ZNF766: variants seen among roughly 807,000 people sequenced by gnomAD.
The protein encoded by ZNF766 is zinc finger protein 766.
In ZNF766, 13 loss-of-function variants were observed where a neutral mutation model predicts 13.2. The observed-to-expected ratio is 0.98, with a 90% CI of 0.64 to 1.56. The LOEUF is 1.56. ZNF766 is among the 40% of genes most tolerant of loss of function. The pLI, the probability that ZNF766 is intolerant of heterozygous loss-of-function variation, is 0.00. For missense variants in ZNF766, 521 were observed against 552.2 expected (o/e 0.94, Z 0.57); for synonymous variants, 178 against 187.6 (o/e 0.95, Z 0.42).
At chr19:52,277,766 G>A (rs905411511) in intron 1 of ZNF766, among the ~76,000 whole-genome samples, 3 of 151,942 alleles carry the variant, frequency 2.0e-5, no homozygotes, top group African/African-American at 7.3e-5. Flanking sequence ...CCTGGGAAGG[G>A]CTCACACCCA....
rs538151739 is a variant in ZNF766, at chr19:52,283,443, C to T, written c.274+30C>T. ...GAGCTCAGATGGACAGAGTGAAAGC[C>T]ACACTTTTTTTTTTTTTTTTGAGAC... On this transcript the variant is annotated intron_variant, in intron 3 of 3. Coordinates refer to ENST00000439461, the MANE Select transcript of ZNF766 (RefSeq NM_001010851.3). 1.3e-4 allele frequency: 191 copies of T among 1,510,600 alleles called. 2 individuals are homozygous for T. The East Asian group carries it at 4.5e-3, about 35-fold the overall frequency. The allele number at this position is 1,510,600 out of a possible 1,614,324, so 93.6% of individuals were successfully genotyped here.
rs574320294 is a variant in ZNF766 at position 52,292,074 on chromosome 19, C to T, written c.*876C>T. ...CTTGGGTGACAGAGCGAGACCCTGT[C>T]TCAAAAGAAAAAAAAGGCTAGTTTT... On this transcript the variant is annotated 3_prime_UTR_variant, in exon 4 of 4. Transcript: ENST00000439461. 1.3e-4 allele frequency: 87 copies of T among 694,200 alleles called. No individual in the cohort carries two copies. In the African/African-American group the frequency reaches 1.5e-3, roughly 12 times the overall value. 43.0% of individuals were successfully genotyped at this position (694,200 alleles called of 1,614,324 possible). A position where few individuals can be genotyped will look rare whatever the true frequency, so the allele number is the denominator to read the frequency against.
chr19:52,271,221 T>A (rs1342106677), intron 1 of ZNF766, among the ~76,000 whole-genome samples: 1 of 151,946 alleles, frequency 6.6e-6, no homozygotes, highest in Non-Finnish European at 1.5e-5. Flanking sequence ...AATAGAGGAG[T>A]GTGTTTTGGA....
intron 1 of ZNF766, among the ~76,000 whole-genome samples, chr19:52,273,886 G>A (rs1223297608): frequency 6.6e-6 from 1 of 152,158 alleles, no homozygotes; most frequent in Non-Finnish European, 1.5e-5. Flanking sequence ...CACATCTTGT[G>A]CCCCCAGCCT....
Position 52,291,087 on chromosome 19 carries a change from C to A in ZNF766, c.1296C>A (p.Ile432=). The A allele has an allele frequency of 6.2e-7, 1 of 1,614,006 alleles. No individual in the cohort carries two copies. Among genetic ancestry groups the A allele is most frequent in the East Asian group, 2.2e-5 (1 of 44,876 alleles). The change falls in exon 4 of 4, where the codon ATC becomes ATA. Residue 432 remains isoleucine, a synonymous_variant. Coordinates refer to ENST00000439461, the MANE Select transcript of ZNF766 (RefSeq NM_001010851.3). ...CACACCTTGCAAATCATCAGAGAAT[C>A]CACACTGGAGAGAAACCTTACAAAT... The part of the protein sequence containing the change: ...QNSHLANHQR[I]HTGEKPYKCH...
intron 1 of ZNF766, among the ~76,000 whole-genome samples, chr19:52,270,275 G>T (rs1980918682): frequency 6.6e-6 from 1 of 152,138 alleles, no homozygotes; most frequent in African/African-American, 2.4e-5. Flanking sequence ...GATGGAGAGC[G>T]AGGTAGAGGA....
intron 3 of ZNF766, among the ~76,000 whole-genome samples, chr19:52,288,321 G>A (rs564687799): frequency 1.3e-5 from 2 of 151,908 alleles, no homozygotes; most frequent in Non-Finnish European, 2.9e-5. Context: ...GTGCCTGGTC[G>A]TGTTCATTTT....
At chr19:52,273,357 G>C (rs1202030284) in intron 1 of ZNF766, among the ~76,000 whole-genome samples, 1 of 152,214 alleles carries the variant, frequency 6.6e-6, no homozygotes, top group African/African-American at 2.4e-5. Flanking sequence ...TACTAAAACA[G>C]ATGAGGAAAT....
At chr19:52,290,004 A>G in intron 3 of ZNF766, 62 bp from the exon 4 acceptor site, 1 of 1,518,942 alleles carries the variant, frequency 6.6e-7, no homozygotes. Context: ...CCAACTCAAA[A>G]AAAGTGCAAA....
Position 52,290,352 on chromosome 19 carries a change from C to G in ZNF766, c.561C>G (p.Tyr187Ter). 1.2e-6 allele frequency: 2 copies of G among 1,614,070 alleles called. No individual in the cohort carries two copies. Among genetic ancestry groups the G allele is most frequent in the Non-Finnish European group, 1.7e-6 (2 of 1,180,036 alleles). ...AAGCACACATTAGGAGAAAACCTTACGAATGTAATGAGCAGGGCAAAGTCT... is the reference window on the plus strand; with the variant it reads ...AAGCACACATTAGGAGAAAACCTTAGGAATGTAATGAGCAGGGCAAAGTCT... The part of the protein sequence containing the change: ...EQKAHIRRKP[Y>*]ECNEQGKVFR... Residue 187 changes from tyrosine (Y) to a stop codon, truncating the protein, a stop_gained, in exon 4 of 4, where the codon TAC becomes TAG. Coordinates refer to ENST00000439461, the MANE Select transcript of ZNF766 (RefSeq NM_001010851.3). LOFTEE classifies it low-confidence loss of function (END_TRUNC).
intron 2 of ZNF766, 76 bp from the exon 3 acceptor site, chr19:52,283,209 C>T: frequency 6.6e-7 from 1 of 1,520,172 alleles, no homozygotes; most frequent in Non-Finnish European, 8.8e-7. Flanking sequence ...TTTTTAATAT[C>T]ATCTCTGCTG....
Position 52,290,698 on chromosome 19 carries a change from A to T in ZNF766, c.907A>T (p.Lys303Ter). Residue 303 changes from lysine to a stop codon, truncating the protein, a stop_gained, in exon 4 of 4, where the codon AAA becomes TAA. Transcript: ENST00000439461. LOFTEE classifies it low-confidence loss of function (END_TRUNC). ...TAGAGAGAAACCTCATAAATGTAAC[A>T]AATGTGGCAAGGTTTATAGTAGCAG... The part of the protein sequence containing the change: ...HTREKPHKCN[K>*]CGKVYSSSSY... The T allele has an allele frequency of 6.8e-6, 11 of 1,613,808 alleles. No homozygotes were observed. The highest frequency in any genetic ancestry group is 8.5e-6 in the Non-Finnish European group (10 of 1,179,832).
intron 1 of ZNF766, chr19:52,277,651 G>C: frequency 1.7e-6 from 2 of 1,191,594 alleles, no homozygotes; most frequent in Non-Finnish European, 2.4e-6. Flanking sequence ...TGACAGGTTT[G>C]CTCACACTCA....
chr19:52,294,958 G>T lies in ZNF766; in HGVS notation c.*3760G>T, dbSNP rs1365661826. 6.6e-6 allele frequency: 1 copy of T among 150,640 alleles called. No homozygotes were observed. The highest frequency in any genetic ancestry group is 1.5e-5 in the Non-Finnish European group (1 of 67,738). 9.3% of individuals were successfully genotyped at this position (150,640 alleles called of 1,614,324 possible). ...ATAAATATAATGTATTATATAATAT[G>T]ATTAAAATATATTTGTTATAAATAT... On this transcript the variant is annotated 3_prime_UTR_variant, in exon 4 of 4. Coordinates refer to ENST00000439461, the MANE Select transcript of ZNF766 (RefSeq NM_001010851.3).
chr19:52,283,549 T>A (rs1001290991), intron 3 of ZNF766, 136 bp downstream of exon 3: 24 of 1,185,506 alleles, frequency 2.0e-5, no homozygotes, highest in South Asian at 5.3e-5. Flanking sequence ...ACAGTCCTCC[T>A]GCTTTGGCCT....
rs377256844 is a variant in ZNF766 at position 52,269,600 on chromosome 19, G to A, written c.-14G>A. Reference sequence around the variant, plus strand: ...GCAGCCGCCTGCAGACCCGGAAGTGGATGGCGTGGAGATATGGCGCAACTG... The same window carrying A: ...GCAGCCGCCTGCAGACCCGGAAGTGAATGGCGTGGAGATATGGCGCAACTG... On this transcript the variant is annotated 5_prime_UTR_variant, in exon 1 of 4. Coordinates refer to ENST00000439461, the MANE Select transcript of ZNF766 (RefSeq NM_001010851.3). The A allele has an allele frequency of 4.0e-5, 64 of 1,612,372 alleles. No homozygotes were observed. Among genetic ancestry groups the A allele is most frequent in the Middle Eastern group, 3.3e-4 (2 of 6,080 alleles).
intron 1 of ZNF766, among the ~76,000 whole-genome samples, chr19:52,271,980 CA>C (rs371229113): frequency 1.9e-3 from 166 of 89,142 alleles, no homozygotes; most frequent in Middle Eastern, 0.012. Flanking sequence ...GAGACTGTCT[CA>C]AAAAAAAAAA....
chr19:52,289,105 C>G (rs974619052), intron 3 of ZNF766, among the ~76,000 whole-genome samples: 2 of 150,934 alleles, frequency 1.3e-5, no homozygotes, highest in South Asian at 4.2e-4. Context: ...ATCCACCCAC[C>G]TTGACCTCCC....
In ZNF766 at chr19:52,294,916, T is replaced by C. The variant is rs1982285659; in HGVS notation, c.*3718T>C. 6.6e-6 allele frequency: 1 copy of C among 151,586 alleles called. No individual in the cohort carries two copies. Among genetic ancestry groups the C allele is most frequent in the African/African-American group, 2.4e-5 (1 of 41,342 alleles). The allele number at this position is 151,586 out of a possible 1,614,324, so 9.4% of individuals were successfully genotyped here. ...ACTTTTTATAGTAGACAATGAAAATTAGTGTGTGGGTTTATAATAAATATA... is the reference window on the plus strand; with the variant it reads ...ACTTTTTATAGTAGACAATGAAAATCAGTGTGTGGGTTTATAATAAATATA... On this transcript the variant is annotated 3_prime_UTR_variant, in exon 4 of 4. Transcript: ENST00000439461.
Sources: allele counts gnomAD v4.1 joint callset (sites outside exome capture counted in the v4.1 genomes callset), GRCh38; gene constraint gnomAD v4.1.1; transcripts MANE v1.5; gene names NCBI Gene and HGNC (gene_info 2026-07-23, HGNC 2026-07-21).